The following DAO variants were observed in gnomAD, a reference collection of about 807,000 sequenced individuals.
The protein encoded by DAO is D-amino acid oxidase, also known as D-amino-acid oxidase.
Under a neutral mutation model 50.1 loss-of-function variants are expected in DAO, and 51 were observed. The observed-to-expected ratio is 1.02, with a 90% confidence interval of 0.81 to 1.29. DAO has a LOEUF of 1.29. Among genes scored for constraint, DAO ranks in the 50% most tolerant of loss-of-function variants. The pLI is 0.00. For synonymous variants in DAO, 160 were observed against 166.2 expected (o/e 0.96, Z 0.29); for missense variants, 436 against 439.4 (o/e 0.99, Z 0.07).
intron 6 of DAO, 93 bp from the exon 7 acceptor site, chr12:108,894,170 C>T (rs2039521403): frequency 3.1e-6 from 3 of 967,350 alleles, no homozygotes; most frequent in Non-Finnish European, 1.6e-6. Context: ...AGGGAGTAGA[C>T]AGATTGAGGG....
At chr12:108,891,261 C>A (rs1417572644) in intron 5 of DAO, among the ~76,000 whole-genome samples, 1 of 151,970 alleles carries the variant, frequency 6.6e-6, no homozygotes, top group Non-Finnish European at 1.5e-5. Flanking sequence ...CCAGCCTGGG[C>A]AACATGGCAA....
At chr12:108,883,723 C>T in intron 1 of DAO, 1 of 431,832 alleles carries the variant, frequency 2.3e-6, no homozygotes, top group Non-Finnish European at 4.7e-6. Flanking sequence ...GTCCCCTAAG[C>T]CCCAGTATCC....
chr12:108,900,054 T>C, intron 10 of DAO: 1 of 341,940 alleles, frequency 2.9e-6, no homozygotes, highest in South Asian at 2.6e-5. Flanking sequence ...CTGGAGCTCT[T>C]TGGGATAGGG....
At chr12:108,886,501 TG>T (rs1280348407) in intron 2 of DAO, among the ~76,000 whole-genome samples, 1 of 152,110 alleles carries the variant, frequency 6.6e-6, no homozygotes, top group African/African-American at 2.4e-5. Flanking sequence ...AGAGGCATCC[TG>T]TCACCCAGGC....
At chr12:108,885,425 G>A (rs534664452) in intron 2 of DAO, among the ~76,000 whole-genome samples, 130 of 152,172 alleles carry the variant, frequency 8.5e-4, no homozygotes, top group South Asian at 2.7e-3. Flanking sequence ...CCTGGGCAAC[G>A]TGGTGAAACC....
intron 1 of DAO, 51 bp downstream of exon 1, chr12:108,880,275 G>A (rs1310570867): frequency 2.6e-6 from 1 of 379,742 alleles, no homozygotes; most frequent in East Asian, 7.3e-5. Flanking sequence ...GGAGAGGGGA[G>A]AGGCAAAGGA....
intron 5 of DAO, among the ~76,000 whole-genome samples, chr12:108,892,159 C>CTTTTTTTTTTT (rs11356161): frequency 3.5e-4 from 38 of 108,986 alleles, no homozygotes; most frequent in Non-Finnish European, 4.1e-4. Flanking sequence ...TTTCTTTCTT[C>CTTTTTTTTTTT]TTTTTTTTTT....
chr12:108,880,361 G>A (rs986477185), intron 1 of DAO, 137 bp downstream of exon 1: 2 of 335,372 alleles, frequency 6.0e-6, no homozygotes, highest in Non-Finnish European at 1.2e-5. Context: ...GAGAGATCCA[G>A]CCTCTCAAAC....
chr12:108,896,063 C>A (rs2039550850), intron 7 of DAO, among the ~76,000 whole-genome samples: 1 of 151,248 alleles, frequency 6.6e-6, no homozygotes, highest in African/African-American at 2.4e-5. Context: ...AAGGGTGTAG[C>A]AGCGAGAGAA....
At chr12:108,883,816 C>T in intron 1 of DAO, 1 of 345,744 alleles carries the variant, frequency 2.9e-6, no homozygotes. Flanking sequence ...AACTTGGCTT[C>T]TGAAACCCCA....
At chr12:108,883,222 C>A (rs1274415661) in intron 1 of DAO, among the ~76,000 whole-genome samples, 1 of 152,162 alleles carries the variant, frequency 6.6e-6, no homozygotes, top group Non-Finnish European at 1.5e-5. Context: ...ACTCGACTCG[C>A]TGCAACCTCT....
intron 7 of DAO, among the ~76,000 whole-genome samples, chr12:108,895,048 C>T (rs1194631266): frequency 3.3e-5 from 5 of 152,200 alleles, no homozygotes; most frequent in Admixed American, 3.3e-4. Context: ...ATGGCCACAG[C>T]CCTTCGAGCT....
At chr12:108,894,692 TATTA>T (rs2039528204) in intron 7 of DAO, among the ~76,000 whole-genome samples, 1 of 152,244 alleles carries the variant, frequency 6.6e-6, no homozygotes, top group East Asian at 1.9e-4. Flanking sequence ...TTATTATTAT[TATTA>T]ATTATTAATT....
intron 9 of DAO, 38 bp downstream of exon 9, chr12:108,898,834 T>C (rs975155915): frequency 1.6e-5 from 23 of 1,423,558 alleles, no homozygotes; most frequent in Non-Finnish European, 2.3e-5. Context: ...TAAACCAAGG[T>C]CGTGGGAGCT....
At chr12:108,898,868 G>A (rs140881184) in intron 9 of DAO, 72 bp downstream of exon 9, 18,561 of 955,872 alleles carry the variant, frequency 0.019, 260 homozygotes, top group Middle Eastern at 0.056. Context: ...ACTTCAGGAC[G>A]GGAAGATGCC....
At chr12:108,898,369 G>A in intron 8 of DAO, 1 of 390,208 alleles carries the variant, frequency 2.6e-6, no homozygotes, top group Non-Finnish European at 4.9e-6. Flanking sequence ...TATCTCAATG[G>A]CGATGTTACT....
At chr12:108,881,340 G>A (rs1023903679) in intron 1 of DAO, among the ~76,000 whole-genome samples, 2 of 151,962 alleles carry the variant, frequency 1.3e-5, no homozygotes, top group Non-Finnish European at 2.9e-5. Context: ...CCGAATAACT[G>A]AGCTGGGTGC....
intron 2 of DAO, among the ~76,000 whole-genome samples, chr12:108,885,909 C>A (rs2039431798): frequency 6.6e-6 from 1 of 152,186 alleles, no homozygotes; most frequent in African/African-American, 2.4e-5. Context: ...CATCTGCCAC[C>A]ACGCCTGGCT....
rs1187675776 is a variant in DAO, at chr12:108,896,896, T to A, written c.613-110T>A. 61 of 824,050 alleles carry A rather than the reference T, an allele frequency of 7.4e-5. 1 individual carries two copies. Among genetic ancestry groups the A allele is most frequent in the Middle Eastern group, 2.4e-4 (1 of 4,180 alleles). 51.0% of individuals were successfully genotyped at this position (824,050 alleles called of 1,614,324 possible). On this transcript the variant is annotated intron_variant, in intron 7 of 10. Transcript: ENST00000228476. ...GGCCATAGTGTCATGAGAGGTCTTA[T>A]AAGGAATCAGCCTGGCCACTCTTGT...
Sources: allele counts gnomAD v4.1 joint callset (sites outside exome capture counted in the v4.1 genomes callset), GRCh38; gene constraint gnomAD v4.1.1; transcripts MANE v1.5; gene names NCBI Gene and HGNC (gene_info 2026-07-23, HGNC 2026-07-21).